The following GRAMD1B variants were observed in gnomAD, a reference collection of about 807,000 sequenced individuals.
The protein encoded by GRAMD1B is GRAM domain containing 1B.
A neutral mutation model predicts 99.7 loss-of-function variants in GRAMD1B; 37 were observed. The observed-to-expected ratio is 0.37, with a 90% CI of 0.29 to 0.49. The LOEUF is 0.49. Ranked by LOEUF, GRAMD1B falls within the 20% of genes least tolerant of loss-of-function variation. The pLI is 0.98. For missense variants in GRAMD1B, 888 were observed against 1,009.2 expected, an observed-to-expected ratio of 0.88 and a Z score of 1.63; for synonymous variants, 427 against 387.6, an observed-to-expected ratio of 1.10 and a Z score of -1.19.
chr11:123,469,836 T>C (rs1950920388), intron 1 of GRAMD1B, among the ~76,000 whole-genome samples: 1 of 147,552 alleles, frequency 6.8e-6, no homozygotes, highest in Non-Finnish European at 1.5e-5. Flanking sequence ...TTCCACCTGA[T>C]GGCACAAGAA....
intron 1 of GRAMD1B, among the ~76,000 whole-genome samples, chr11:123,417,337 C>A (rs1443258196): frequency 6.6e-6 from 1 of 152,180 alleles, no homozygotes; most frequent in Admixed American, 6.5e-5. Context: ...CGCGCCATTG[C>A]ACTCTAGCCT....
At chr11:123,431,735 C>G (rs1341640101) in intron 1 of GRAMD1B, among the ~76,000 whole-genome samples, 1 of 152,218 alleles carries the variant, frequency 6.6e-6, no homozygotes, top group Non-Finnish European at 1.5e-5. Context: ...GTCACATTTC[C>G]TACCATATCA....
At chr11:123,516,081 C>A (rs1194992149) in intron 2 of GRAMD1B, among the ~76,000 whole-genome samples, 1 of 152,214 alleles carries the variant, frequency 6.6e-6, no homozygotes, top group African/African-American at 2.4e-5. Flanking sequence ...CATATTTAAC[C>A]TTTTGGTGTT....
chr11:123,381,132 G>A (rs547178985), intron 1 of GRAMD1B, among the ~76,000 whole-genome samples: 1 of 152,108 alleles, frequency 6.6e-6, no homozygotes, highest in South Asian at 2.1e-4. Flanking sequence ...TCACTCCTCC[G>A]CCAACTCCCT....
intron 2 of GRAMD1B, among the ~76,000 whole-genome samples, chr11:123,546,274 G>A (rs7126766): frequency 2.6e-4 from 39 of 152,322 alleles, no homozygotes; most frequent in African/African-American, 8.7e-4. Context: ...CCAGGAGTAT[G>A]TGGGAGGCAT....
intron 1 of GRAMD1B, among the ~76,000 whole-genome samples, chr11:123,400,214 C>T (rs765439239): frequency 1.3e-5 from 2 of 152,078 alleles, no homozygotes; most frequent in Non-Finnish European, 1.5e-5. Context: ...TGGTAGCTCA[C>T]GCCTGTAATC....
rs750472988 is a variant in GRAMD1B, at chr11:123,577,443, C to G, written c.529C>G (p.Gln177Glu). ...LRKRSRSPTPQNQDGDTMVEK... is the reference protein window; with the variant it reads ...LRKRSRSPTPENQDGDTMVEK... The stretch of plus-strand genomic sequence containing the variant: ...GAAGCGGTCTCGCTCGCCAACCCCG[C>G]AGAACCAGGACGGAGACACCATGGT... Residue 177 changes from glutamine to glutamate, a missense_variant, in exon 3 of 20, where the codon CAG (glutamine) becomes GAG (glutamate). Physicochemically the swap from Gln to Glu is conservative, Grantham distance 29. Coordinates refer to ENST00000635736, the MANE Select transcript of GRAMD1B (RefSeq NM_001387025.1). 2.5e-6 allele frequency: 4 copies of G among 1,603,392 alleles called. No individual in the cohort carries two copies. Among genetic ancestry groups the G allele is most frequent in the Non-Finnish European group, 3.4e-6 (4 of 1,175,282 alleles).
At chr11:123,471,841 G>A (rs1192935909) in intron 1 of GRAMD1B, among the ~76,000 whole-genome samples, 6 of 152,158 alleles carry the variant, frequency 3.9e-5, no homozygotes, top group East Asian at 1.9e-4. Context: ...TTCATACTCC[G>A]ACTTCATACA....
intron 2 of GRAMD1B, among the ~76,000 whole-genome samples, chr11:123,546,385 G>A (rs1230826056): frequency 2.6e-5 from 4 of 152,226 alleles, no homozygotes; most frequent in Non-Finnish European, 1.5e-5. Flanking sequence ...CTACTTTTCT[G>A]AAAATGATGC....
chr11:123,617,345 G>C (rs1954570867), intron 17 of GRAMD1B, among the ~76,000 whole-genome samples: 1 of 151,458 alleles, frequency 6.6e-6, no homozygotes, highest in Non-Finnish European at 1.5e-5. Flanking sequence ...CACCACACCT[G>C]ACTAATTTTT....
intron 2 of GRAMD1B, among the ~76,000 whole-genome samples, chr11:123,543,315 A>G (rs1944733814): frequency 6.6e-6 from 1 of 152,214 alleles, no homozygotes; most frequent in African/African-American, 2.4e-5. Flanking sequence ...GTGAAAGAAT[A>G]AAAATATACA....
chr11:123,578,537 C>A, intron 3 of GRAMD1B: 1 of 802,504 alleles, frequency 1.2e-6, no homozygotes, highest in Non-Finnish European at 2.1e-6. Context: ...CCCTTATATC[C>A]TGCTTGGTCC....
intron 2 of GRAMD1B, among the ~76,000 whole-genome samples, chr11:123,541,106 T>G (rs1944472224): frequency 6.6e-6 from 1 of 152,186 alleles, no homozygotes; most frequent in African/African-American, 2.4e-5. Context: ...CCCGAGTAGC[T>G]GGTATTACAG....
intron 1 of GRAMD1B, 93 bp from the exon 2 acceptor site, chr11:123,480,723 C>T: frequency 2.5e-6 from 1 of 397,298 alleles, no homozygotes; most frequent in East Asian, 3.6e-5. Flanking sequence ...ATTTTGTAAC[C>T]CCATGTCTTT....
chr11:123,454,833 AG>A (rs1950039994), intron 1 of GRAMD1B: 1 of 152,228 alleles, frequency 6.6e-6, no homozygotes, highest in South Asian at 2.1e-4. Context: ...AACCAAGGTA[AG>A]ATTTAAAGAT....
intron 10 of GRAMD1B, among the ~76,000 whole-genome samples, chr11:123,606,257 C>T (rs534382569): frequency 1.3e-5 from 2 of 152,324 alleles, no homozygotes; most frequent in South Asian, 2.1e-4. Flanking sequence ...TGAAGCCTTT[C>T]GAGCTTCTTA....
At chr11:123,594,945 G>A (rs1163117724) in intron 6 of GRAMD1B, 107 bp downstream of exon 6, 5 of 689,148 alleles carry the variant, frequency 7.3e-6, no homozygotes, top group African/African-American at 3.6e-5. Flanking sequence ...AAGCCTTTGC[G>A]TAATTAACAA....
At chr11:123,398,905 C>T (rs936185711) in intron 1 of GRAMD1B, among the ~76,000 whole-genome samples, 63 of 152,200 alleles carry the variant, frequency 4.1e-4, no homozygotes, top group African/African-American at 1.3e-3. Context: ...TTCCTCCCAC[C>T]CACTTTTATT....
At chr11:123,618,243 C>T in intron 17 of GRAMD1B, 3 of 919,414 alleles carry the variant, frequency 3.3e-6, no homozygotes, top group South Asian at 2.7e-5. Flanking sequence ...CATATACTCT[C>T]ACTCACTCCC....
Sources: allele counts gnomAD v4.1 joint callset (sites outside exome capture counted in the v4.1 genomes callset), GRCh38; gene constraint gnomAD v4.1.1; transcripts MANE v1.5; gene names NCBI Gene and HGNC (gene_info 2026-07-23, HGNC 2026-07-21).